The following RAP1B variants were observed in gnomAD, a reference collection of about 807,000 sequenced individuals.
RAP1B encodes RAP1B, member of RAS oncogene family.
In RAP1B, 1 loss-of-function variant was observed where a neutral mutation model predicts 27.5. That is an observed-to-expected ratio of 0.04 (90% CI 0.01 to 0.17). The LOEUF (loss-of-function observed/expected upper bound fraction) is 0.17, where lower values mean the gene tolerates loss of function less well. Among genes scored for constraint, RAP1B ranks in the 10% least tolerant of loss-of-function variants. RAP1B has a pLI of 1.00. For missense variants in RAP1B, 84 were observed against 214.8 expected (o/e 0.39, Z 3.81); for synonymous variants, 75 against 73.1 (o/e 1.03, Z -0.13).
At chr12:68,656,813 TAC>T (rs1472941345) in intron 6 of RAP1B, among the ~76,000 whole-genome samples, 4 of 152,174 alleles carry the variant, frequency 2.6e-5, no homozygotes, top group South Asian at 2.1e-4. Context: ...AGCAAAAACT[TAC>T]AGTTTTTAAA....
chr12:68,657,268 G>A, intron 7 of RAP1B, 51 bp downstream of exon 7: 1 of 1,167,660 alleles, frequency 8.6e-7, no homozygotes, highest in Non-Finnish European at 1.2e-6. Flanking sequence ...CCTTATTAAG[G>A]GCACTCTGTC....
rs1874227938 is a variant in RAP1B at position 68,656,627 on chromosome 12, T to C, written c.468+178T>C. The C allele has an allele frequency of 4.7e-6, 3 of 638,058 alleles. No homozygotes were observed. In the East Asian group the frequency reaches 8.2e-5, roughly 18 times the overall value. 39.5% of individuals were successfully genotyped at this position (638,058 alleles called of 1,614,324 possible). ...TAGTAAATAAACAATACTATTTCAG[T>C]CTCTATTAAATACTTGTACATTGAT... is the stretch of plus-strand genomic sequence containing the variant. On this transcript the variant is annotated intron_variant, in intron 6 of 7. Transcript: ENST00000250559.
At chr12:68,621,285 G>C (rs946283573) in intron 1 of RAP1B, among the ~76,000 whole-genome samples, 6 of 152,176 alleles carry the variant, frequency 3.9e-5, no homozygotes, top group African/African-American at 4.8e-5. Flanking sequence ...TAGCAATTCT[G>C]AATTAGGGAA....
rs1301120199 is a variant in RAP1B, at chr12:68,670,489, A to G, written c.*11240A>G. 6.6e-6 allele frequency: 1 copy of G among 152,208 alleles called. No homozygotes were observed. The highest frequency in any genetic ancestry group is 1.9e-4 in the East Asian group (1 of 5,194). 9.4% of individuals were successfully genotyped at this position (152,208 alleles called of 1,614,324 possible). On this transcript the variant is annotated 3_prime_UTR_variant, in exon 8 of 8. Coordinates refer to ENST00000250559, the MANE Select transcript of RAP1B (RefSeq NM_001010942.3). ...AGCTATATTTAAGATATATATTTCA[A>G]GTAAATAATAAGTGTGTGTGTGTGT...
intron 2 of RAP1B, 165 bp from the exon 3 acceptor site, chr12:68,650,235 G>C: frequency 2.0e-6 from 1 of 511,874 alleles, no homozygotes; most frequent in Non-Finnish European, 3.2e-6. Flanking sequence ...ACAGCTTCCT[G>C]AGGTAATTTT....
chr12:68,641,800 AAAAAC>A (rs990647663), intron 1 of RAP1B, among the ~76,000 whole-genome samples: 1 of 152,150 alleles, frequency 6.6e-6, no homozygotes, highest in African/African-American at 2.4e-5. Context: ...GGTAAAAAAA[AAAAAC>A]AGTGTAGAAA....
In RAP1B at chr12:68,665,393, T is replaced by C. The variant is rs1025470024; in HGVS notation, c.*6144T>C. 3.7e-4 allele frequency: 56 copies of C among 152,344 alleles called. No individual in the cohort carries two copies. Among genetic ancestry groups the C allele is most frequent in the African/African-American group, 1.3e-3 (53 of 41,580 alleles). The allele number at this position is 152,344 out of a possible 1,614,324, so 9.4% of individuals were successfully genotyped here. On this transcript the variant is annotated 3_prime_UTR_variant, in exon 8 of 8. Transcript: ENST00000250559. ...GGGTTGGACCTTGGAGTTACTGACA[T>C]TGGAGGCAACTGAAACCATGAGTGT...
At chr12:68,620,879 C>T (rs1337187166) in intron 1 of RAP1B, among the ~76,000 whole-genome samples, 1 of 152,134 alleles carries the variant, frequency 6.6e-6, no homozygotes, top group African/African-American at 2.4e-5. Flanking sequence ...TGAGCCACCG[C>T]ACCGGTCTGG....
rs1157972304 is a variant in RAP1B, at chr12:68,660,804, G to T, written c.*1555G>T. 1 of 152,158 alleles carries T rather than the reference G, an allele frequency of 6.6e-6. No individual in the cohort carries two copies. Among genetic ancestry groups the T allele is most frequent in the Admixed American group, 6.5e-5 (1 of 15,274 alleles). The allele number at this position is 152,158 out of a possible 1,614,324, so 9.4% of individuals were successfully genotyped here. A position where few individuals can be genotyped will look rare whatever the true frequency, so the allele number is the denominator to read the frequency against. On this transcript the variant is annotated 3_prime_UTR_variant, in exon 8 of 8. Transcript: ENST00000250559. ...AATAAATGCCTTTGGGTAATGTTCA[G>T]TAGCTATTTGATGAGGTAGGTAAAA...
At chr12:68,656,743 AATAG>A (rs1198646111) in intron 6 of RAP1B, 3 of 528,958 alleles carry the variant, frequency 5.7e-6, no homozygotes, top group Non-Finnish European at 9.9e-6. Context: ...TTATATGAAA[AATAG>A]AGTAAAATTC....
intron 1 of RAP1B, among the ~76,000 whole-genome samples, chr12:68,646,140 A>G (rs1462100000): frequency 1.3e-5 from 2 of 152,210 alleles, no homozygotes; most frequent in Non-Finnish European, 2.9e-5. Flanking sequence ...GAAATAAGAA[A>G]GGCATACGTC....
chr12:68,617,102 A>G (rs1871083208), intron 1 of RAP1B, among the ~76,000 whole-genome samples: 4 of 152,236 alleles, frequency 2.6e-5, no homozygotes, highest in Non-Finnish European at 5.9e-5. Context: ...TCCTCACATT[A>G]GAATATATTT....
At position 68,661,468 on chromosome 12, in the gene RAP1B, A is replaced by T. The variant is rs1006492644; in HGVS notation, c.*2219A>T. ...TATAAAAATTGTTCTAGGCCTAAGG[A>T]TGTAGCAGCAACCAAGATCAACTAT... is the stretch of plus-strand genomic sequence containing the variant. On this transcript the variant is annotated 3_prime_UTR_variant, in exon 8 of 8. Transcript: ENST00000250559. The T allele has an allele frequency of 1.3e-5, 2 of 152,170 alleles. No homozygotes were observed. The highest frequency in any genetic ancestry group is 2.9e-5 in the Non-Finnish European group (2 of 68,038). The allele number at this position is 152,170 out of a possible 1,614,324, so 9.4% of individuals were successfully genotyped here. A position where few individuals can be genotyped will look rare whatever the true frequency, so the allele number is the denominator to read the frequency against.
At chr12:68,649,066 C>T (rs1422105347) in intron 2 of RAP1B, 1 of 316,008 alleles carries the variant, frequency 3.2e-6, no homozygotes, top group Non-Finnish European at 5.7e-6. Flanking sequence ...ATTCGCATTT[C>T]AGAGCCAGAT....
chr12:68,658,956 C>T (rs1471684931), intron 7 of RAP1B, among the ~76,000 whole-genome samples: 3 of 152,182 alleles, frequency 2.0e-5, no homozygotes, highest in African/African-American at 2.4e-5. Flanking sequence ...ATAAGGTTGA[C>T]TTGACTAACA....
chr12:68,643,129 TC>T lies in RAP1B; in HGVS notation c.-26-5569del, dbSNP rs1873143074. 8.6e-6 allele frequency: 5 copies of T among 582,512 alleles called. No homozygotes were observed. In the East Asian group the frequency reaches 1.4e-4, roughly 17 times the overall value. The allele number at this position is 582,512 out of a possible 1,614,324, so 36.1% of individuals were successfully genotyped here. A position where few individuals can be genotyped will look rare whatever the true frequency, so the allele number is the denominator to read the frequency against. On this transcript the variant is annotated intron_variant, in intron 1 of 7. Transcript: ENST00000250559. Reference sequence around the variant, plus strand: ...TTTTTGTTTTTCTTCCAAAATCTCTTCACTTTAAATGGTAGTACATGGCAGT... The same window carrying T: ...TTTTTGTTTTTCTTCCAAAATCTCTTACTTTAAATGGTAGTACATGGCAGT...
intron 1 of RAP1B, among the ~76,000 whole-genome samples, chr12:68,643,260 A>T (rs1873155335): frequency 6.6e-6 from 1 of 152,094 alleles, no homozygotes; most frequent in African/African-American, 2.4e-5. Flanking sequence ...ACTGATGTAC[A>T]AGTAGTTAAA....
intron 1 of RAP1B, among the ~76,000 whole-genome samples, chr12:68,614,687 A>G (rs1447751530): frequency 6.6e-6 from 1 of 152,248 alleles, no homozygotes; most frequent in Non-Finnish European, 1.5e-5. Context: ...ATTGAATTTT[A>G]GAACAAGTTA....
At chr12:68,621,963 C>G (rs1377398316) in intron 1 of RAP1B, among the ~76,000 whole-genome samples, 2 of 152,090 alleles carry the variant, frequency 1.3e-5, no homozygotes, top group African/African-American at 4.8e-5. Context: ...TTTTTTAGCT[C>G]ATTCCATTGG....
Sources: gnomAD v4.1 joint callset for allele counts (sites outside exome capture counted in the v4.1 genomes callset) on GRCh38, gnomAD v4.1.1 for gene constraint, MANE v1.5 for transcripts, NCBI Gene and HGNC (gene_info 2026-07-23, HGNC 2026-07-21) for gene names.